Variants in LRCH3 observed in about 807,000 individuals in gnomAD.
LRCH3 encodes the protein DISP complex protein LRCH3.
LRCH3 carries 68 observed loss-of-function variants against 104.5 expected under a neutral mutation model. The observed-to-expected ratio is 0.65, with a 90% CI of 0.54 to 0.80. The LOEUF (loss-of-function observed/expected upper bound fraction) is 0.80. LRCH3 is among the 30% of genes least tolerant of loss of function. The pLI is 0.00. For missense variants in LRCH3, 951 were observed against 953.9 expected, an observed-to-expected ratio of 1.00 and a Z score of 0.04; for synonymous variants, 344 against 361.3, an observed-to-expected ratio of 0.95 and a Z score of 0.54.
intron 3 of LRCH3, among the ~76,000 whole-genome samples, chr3:197,819,227 C>G (rs995142817): frequency 2.0e-5 from 3 of 151,694 alleles, no homozygotes; most frequent in Non-Finnish European, 2.9e-5. Context: ...TCTTTTTTTC[C>G]TCTTCATTAA....
At chr3:197,793,240 A>G (rs925534027) in intron 1 of LRCH3, among the ~76,000 whole-genome samples, 7 of 152,254 alleles carry the variant, frequency 4.6e-5, no homozygotes, top group African/African-American at 1.7e-4. Flanking sequence ...CTTTCCAAAG[A>G]AACTTTTGCT....
intron 7 of LRCH3, among the ~76,000 whole-genome samples, chr3:197,831,709 C>T (rs1028717062): frequency 6.6e-6 from 1 of 152,044 alleles, no homozygotes; most frequent in African/African-American, 2.4e-5. Context: ...GTGGCACGAC[C>T]ATGGCTCAAG....
chr3:197,848,010 G>T lies in LRCH3; in HGVS notation c.1519G>T (p.Asp507Tyr), dbSNP rs35713063. The stretch of plus-strand genomic sequence containing the variant: ...GCAGATCCAGAGAGATGCTGTCCTG[G>T]ACTTTGTCAAAGTGAGTCGTTTGAA... ...TKQIQRDAVL[D>Y]FVKQKASQSP... The change falls in exon 12 of 21, where the codon GAC (aspartate) becomes TAC (tyrosine). Residue 507 changes from aspartate to tyrosine, a missense_variant. Asp to Tyr is a radical substitution (Grantham distance 160, BLOSUM62 -3). Transcript: ENST00000425562. 5 of 1,614,070 alleles carry T rather than the reference G, an allele frequency of 3.1e-6. No individual in the cohort carries two copies. The highest frequency in any genetic ancestry group is 4.2e-6 in the Non-Finnish European group (5 of 1,179,970).
Position 197,829,654 on chromosome 3 carries a change from C to A in LRCH3, c.868C>A (p.Pro290Thr). 1 of 1,612,122 alleles carries A rather than the reference C, an allele frequency of 6.2e-7. No individual in the cohort carries two copies. Among genetic ancestry groups the A allele is most frequent in the Non-Finnish European group, 8.5e-7 (1 of 1,179,254 alleles). ...AGATCTGCCGGATTATGATAGGAGACCGTTGGGTTTTGGCTCCTGGTAAGT... is the reference window on the plus strand; with the variant it reads ...AGATCTGCCGGATTATGATAGGAGAACGTTGGGTTTTGGCTCCTGGTAAGT... ...APDLPDYDRR[P>T]LGFGSCHEEL... The change falls in exon 6 of 21, where the codon CCG becomes ACG. Residue 290 changes from proline to threonine, a missense_variant. Physicochemically the swap from Pro to Thr is conservative, Grantham distance 38. Transcript: ENST00000425562.
intron 15 of LRCH3, among the ~76,000 whole-genome samples, chr3:197,860,849 AT>A (rs1371365770): frequency 6.6e-6 from 1 of 150,484 alleles, no homozygotes; most frequent in Non-Finnish European, 1.5e-5. Context: ...TATTCTTTTT[AT>A]TTTTTTTGGA....
intron 1 of LRCH3, among the ~76,000 whole-genome samples, chr3:197,807,961 C>A (rs1326177220): frequency 1.3e-5 from 2 of 152,114 alleles, no homozygotes; most frequent in Admixed American, 6.6e-5. Flanking sequence ...ATTTTTGCTT[C>A]CAATATAATT....
chr3:197,883,489 A>G lies in LRCH3; in HGVS notation c.2209-52A>G, dbSNP rs1580935007. ...TATTTTTTCCTTTCAGTTCTATGAT[A>G]TTCATCCGATTTTCTTTTTTGTTTG... On this transcript the variant is annotated intron_variant, in intron 20 of 20. Coordinates refer to ENST00000425562, the MANE Select transcript of LRCH3 (RefSeq NM_001365715.1). The surrounding 1 kb of genome is among the most constrained non-coding windows in gnomAD (Gnocchi z 4.2). 1 of 1,517,178 alleles carries G rather than the reference A, an allele frequency of 6.6e-7. No homozygotes were observed. Among genetic ancestry groups the G allele is most frequent in the East Asian group, 2.5e-5 (1 of 40,506 alleles). The allele number at this position is 1,517,178 out of a possible 1,614,324, so 94.0% of individuals were successfully genotyped here.
At chr3:197,849,927 C>T (rs903639938) in intron 12 of LRCH3, among the ~76,000 whole-genome samples, 3 of 152,072 alleles carry the variant, frequency 2.0e-5, no homozygotes, top group African/African-American at 7.2e-5. Context: ...AATAAGGCAG[C>T]TTATAATGAA....
intron 5 of LRCH3, 101 bp from the exon 6 acceptor site, chr3:197,829,463 C>T: frequency 1.6e-6 from 1 of 627,120 alleles, no homozygotes; most frequent in South Asian, 2.5e-5. Context: ...GATAGAAATG[C>T]CTCCCTTTCC....
chr3:197,839,438 T>C, intron 10 of LRCH3, 41 bp downstream of exon 10: 1 of 1,293,184 alleles, frequency 7.7e-7, no homozygotes, highest in Non-Finnish European at 1.1e-6. Flanking sequence ...TCTGTCTTAA[T>C]CATGAGAGCA....
intron 10 of LRCH3, among the ~76,000 whole-genome samples, chr3:197,846,995 A>AT (rs1738832445): frequency 6.6e-6 from 1 of 152,182 alleles, no homozygotes; most frequent in Admixed American, 6.5e-5. Context: ...GGTGTGCTTT[A>AT]TAAGTACAGT....
At chr3:197,835,918 G>A in intron 9 of LRCH3, 96 bp downstream of exon 9, 1 of 1,321,002 alleles carries the variant, frequency 7.6e-7, no homozygotes, top group South Asian at 1.5e-5. Flanking sequence ...TTTGTTGACT[G>A]AAGCCTAATT....
At chr3:197,832,584 T>C (rs1451784917) in intron 8 of LRCH3, among the ~76,000 whole-genome samples, 3 of 152,220 alleles carry the variant, frequency 2.0e-5, no homozygotes, top group African/African-American at 7.2e-5. Flanking sequence ...CTGGAGCAGA[T>C]CTTTGTTAAT....
At chr3:197,879,988 C>G (rs1011271595) in intron 20 of LRCH3, among the ~76,000 whole-genome samples, 1 of 151,226 alleles carries the variant, frequency 6.6e-6, no homozygotes, top group Non-Finnish European at 1.5e-5. Context: ...CTCTGTCACC[C>G]AGGCTGGAGT....
At chr3:197,808,666 C>T (rs1732770132) in intron 1 of LRCH3, among the ~76,000 whole-genome samples, 1 of 152,046 alleles carries the variant, frequency 6.6e-6, no homozygotes, top group South Asian at 2.1e-4. Flanking sequence ...AATTGAAACA[C>T]TTTGGGAGGC....
intron 9 of LRCH3, among the ~76,000 whole-genome samples, chr3:197,838,632 T>G (rs7632620): frequency 0.046 from 6,990 of 152,306 alleles, 292 homozygotes; most frequent in South Asian, 0.15. Context: ...TACCTTTGAT[T>G]TATAATTTTA....
At position 197,887,748 on chromosome 3, in the gene LRCH3, CAG is replaced by C. The variant is rs1560073679; in HGVS notation, c.*4083_*4084del. 2 of 96,468 alleles carry C rather than the reference CAG, an allele frequency of 2.1e-5. No homozygotes were observed. Among genetic ancestry groups the C allele is most frequent in the African/African-American group, 1.3e-4 (2 of 15,454 alleles). 6.0% of individuals were successfully genotyped at this position (96,468 alleles called of 1,614,324 possible). Reference sequence around the variant, plus strand: ...ACAGTGTCTGGGGCTGAGAGCCCCCCAGCAGAGCCCTTCCCATCACTGACAGT... The same window carrying C: ...ACAGTGTCTGGGGCTGAGAGCCCCCCCAGAGCCCTTCCCATCACTGACAGT... On this transcript the variant is annotated 3_prime_UTR_variant, in exon 21 of 21. Transcript: ENST00000425562.
At chr3:197,830,898 C>T in intron 7 of LRCH3, 35 bp downstream of exon 7, 3 of 1,455,972 alleles carry the variant, frequency 2.1e-6, no homozygotes, top group Non-Finnish European at 2.9e-6. Flanking sequence ...GTTATAACAC[C>T]TGATTAAGAG....
chr3:197,862,114 G>C (rs1047915311), intron 15 of LRCH3, among the ~76,000 whole-genome samples: 4 of 152,126 alleles, frequency 2.6e-5, no homozygotes, highest in Admixed American at 1.3e-4. Context: ...TCCTGCCTCA[G>C]CCTCCCGAGT....
Sources: allele counts gnomAD v4.1 joint callset (sites outside exome capture counted in the v4.1 genomes callset), GRCh38; gene constraint gnomAD v4.1.1; non-coding constraint Gnocchi (gnomAD v3.1); transcripts MANE v1.5; gene names NCBI Gene and HGNC (gene_info 2026-07-23, HGNC 2026-07-21).